TAOK3: variants seen among roughly 807,000 people sequenced by gnomAD.
The protein encoded by TAOK3 is TAO kinase 3.
In TAOK3, 40 loss-of-function variants were observed where a neutral mutation model predicts 120.4. The observed-to-expected ratio is 0.33, with a 90% CI of 0.26 to 0.43. The LOEUF (loss-of-function observed/expected upper bound fraction) is 0.43. Among genes scored for constraint, TAOK3 ranks in the 20% least tolerant of loss-of-function variants. TAOK3 has a pLI of 1.00. For synonymous variants in TAOK3, 355 were observed against 387.5 expected (o/e 0.92, Z 0.99); for missense variants, 821 against 1,112.1 (o/e 0.74, Z 3.72).
intron 11 of TAOK3, among the ~76,000 whole-genome samples, chr12:118,208,424 GAA>G (rs33967442): frequency 4.4e-4 from 66 of 151,332 alleles, no homozygotes; most frequent in African/African-American, 1.5e-3. Context: ...AGAGAAATAG[GAA>G]AAAAAAAATC....
chr12:118,226,100 G>C (rs2039490794), intron 9 of TAOK3, among the ~76,000 whole-genome samples: 1 of 152,226 alleles, frequency 6.6e-6, no homozygotes, highest in Non-Finnish European at 1.5e-5. Context: ...ATTAGGCCGG[G>C]TGCGGTGGCT....
Position 118,189,902 on chromosome 12 carries a change from G to T in TAOK3, c.1234C>A (p.Pro412Thr), listed in dbSNP as rs767310037. The T allele has an allele frequency of 7.4e-6, 12 of 1,614,062 alleles. No homozygotes were observed. The highest frequency in any genetic ancestry group is 4.0e-5 in the African/African-American group (3 of 74,922). Residue 412 changes from proline to threonine, a missense_variant, in exon 14 of 21, where the codon CCC becomes ACC. By Grantham distance (38) the Pro-to-Thr change is conservative. Coordinates refer to ENST00000392533, the MANE Select transcript of TAOK3 (RefSeq NM_016281.4). ...FIRDEAGHGD[P>T]RPEPRPTQSV... is the part of the protein sequence containing the mutation. Reference sequence around the variant, plus strand: ...TGGGTAGGCCGCGGCTCAGGCCTGGGATCGCCGTGGCCCGCCTCATCCCTT... The same window carrying T: ...TGGGTAGGCCGCGGCTCAGGCCTGGTATCGCCGTGGCCCGCCTCATCCCTT...
At chr12:118,350,577 G>A (rs1555260258) in intron 1 of TAOK3, among the ~76,000 whole-genome samples, 1 of 152,090 alleles carries the variant, frequency 6.6e-6, no homozygotes, top group Non-Finnish European at 1.5e-5. Context: ...ACAAATTTGA[G>A]GCCAGGCATG....
Position 118,197,682 on chromosome 12 carries a change from CTTTT to C in TAOK3, c.1194+1365_1194+1368del, listed in dbSNP as rs67635506. Among the ~76,000 whole-genome samples, 4 of 90,780 alleles carry C rather than the reference CTTTT, an allele frequency of 4.4e-5. No homozygotes were observed. In the East Asian group the frequency reaches 1.3e-3, roughly 29 times the overall value. 59.6% of individuals were successfully genotyped at this position (90,780 alleles called of 152,430 possible). On this transcript the variant is annotated intron_variant, in intron 13 of 20. Coordinates refer to ENST00000392533, the MANE Select transcript of TAOK3 (RefSeq NM_016281.4). ...CAAAAAGACAGCCCAGCAAAACCTT[CTTTT>C]TTTTTTTTTTTTTTTTTTTGAGACG...
chr12:118,299,175 A>C (rs912615857), intron 1 of TAOK3, among the ~76,000 whole-genome samples: 3 of 152,240 alleles, frequency 2.0e-5, no homozygotes, highest in Non-Finnish European at 4.4e-5. Flanking sequence ...ATATAATTAT[A>C]CAAAAAAAGT....
chr12:118,244,864 A>G (rs1338098748), intron 4 of TAOK3, 30 bp downstream of exon 4: 1 of 1,520,194 alleles, frequency 6.6e-7, no homozygotes, highest in Admixed American at 1.7e-5. Context: ...TGTTTATTTC[A>G]GTTTAGGTAT....
intron 9 of TAOK3, among the ~76,000 whole-genome samples, chr12:118,217,563 G>A (rs919103369): frequency 1.1e-4 from 17 of 151,524 alleles, no homozygotes; most frequent in African/African-American, 3.6e-4. Context: ...GCATGCGCCT[G>A]TAATCCCAGC....
At chr12:118,172,343 TA>T in intron 17 of TAOK3, 113 bp downstream of exon 17, 1 of 1,159,582 alleles carries the variant, frequency 8.6e-7, no homozygotes, top group Non-Finnish European at 1.3e-6. Context: ...GCCACTGTGC[TA>T]AAAGGCTAGA....
chr12:118,292,367 T>G (rs2042517153), intron 1 of TAOK3, among the ~76,000 whole-genome samples: 1 of 152,352 alleles, frequency 6.6e-6, no homozygotes, highest in South Asian at 2.1e-4. Context: ...GCCTTTATCT[T>G]AGACTATTAC....
chr12:118,182,761 C>A, intron 14 of TAOK3, among the ~76,000 whole-genome samples: 1 of 151,232 alleles, frequency 6.6e-6, no homozygotes, highest in Non-Finnish European at 1.5e-5. Context: ...TCTCCCCCAT[C>A]CCCTTCTCTA....
intron 1 of TAOK3, among the ~76,000 whole-genome samples, chr12:118,274,068 C>T (rs1482531126): frequency 2.0e-5 from 3 of 151,904 alleles, no homozygotes; most frequent in Admixed American, 1.3e-4. Flanking sequence ...TTGGTTTCTT[C>T]CCCCGTTTCC....
intron 1 of TAOK3, among the ~76,000 whole-genome samples, chr12:118,344,573 C>G (rs1167647765): frequency 2.0e-5 from 3 of 152,018 alleles, no homozygotes; most frequent in Non-Finnish European, 2.9e-5. Flanking sequence ...GCAATTGGAA[C>G]TTTTTGATTT....
At chr12:118,362,464 C>T (rs375964831) in intron 1 of TAOK3, among the ~76,000 whole-genome samples, 2 of 151,866 alleles carry the variant, frequency 1.3e-5, no homozygotes, top group South Asian at 2.1e-4. Flanking sequence ...CAAGTTTGCA[C>T]GTAGGAATAT....
At chr12:118,181,096 C>T (rs1035081037) in intron 15 of TAOK3, among the ~76,000 whole-genome samples, 5 of 151,928 alleles carry the variant, frequency 3.3e-5, no homozygotes, top group Admixed American at 1.3e-4. Context: ...CTGCCTGCCT[C>T]GGCCTCCCAA....
At chr12:118,307,535 T>G (rs1235564669) in intron 1 of TAOK3, among the ~76,000 whole-genome samples, 1 of 152,192 alleles carries the variant, frequency 6.6e-6, no homozygotes, top group Non-Finnish European at 1.5e-5. Flanking sequence ...ACTGTTGCAT[T>G]CAGTTATTAG....
At chr12:118,198,917 A>C (rs565887717) in intron 13 of TAOK3, 134 bp downstream of exon 13, 1 of 868,906 alleles carries the variant, frequency 1.2e-6, no homozygotes, top group South Asian at 1.5e-5. Flanking sequence ...CTGTAAGAAA[A>C]CTGTCACATG....
At chr12:118,297,579 A>C (rs2042729927) in intron 1 of TAOK3, among the ~76,000 whole-genome samples, 3 of 152,284 alleles carry the variant, frequency 2.0e-5, no homozygotes, top group African/African-American at 7.2e-5. Context: ...TAGCACCTGA[A>C]ATTATCTGAA....
Position 118,214,054 on chromosome 12 carries a change from C to A in TAOK3, c.700G>T (p.Ala234Ser), listed in dbSNP as rs1487167316. 3 of 1,610,220 alleles carry A rather than the reference C, an allele frequency of 1.9e-6. No individual in the cohort carries two copies. Among genetic ancestry groups the A allele is most frequent in the Non-Finnish European group, 2.5e-6 (3 of 1,178,680 alleles). ...MNAMSALYHI[A>S]QNDSPTLQSN... ...TGTAACGTTGGGGAGTCATTCTGGG[C>A]AATGTGATATAAGGCACTCATTGCA... Residue 234 changes from alanine (A) to serine (S), a missense_variant, in exon 10 of 21, where the codon GCC (alanine) becomes TCC (serine). Ala to Ser is a moderately conservative substitution (Grantham distance 99). Around this residue, in one of 2 missense-constraint regions of TAOK3, gnomAD observed 467 missense variants for 540.0 expected, o/e 0.86. Coordinates refer to ENST00000392533, the MANE Select transcript of TAOK3 (RefSeq NM_016281.4).
chr12:118,317,679 A>G (rs2043527357), intron 1 of TAOK3, among the ~76,000 whole-genome samples: 1 of 152,138 alleles, frequency 6.6e-6, no homozygotes, highest in African/African-American at 2.4e-5. Flanking sequence ...AGGTGACAAT[A>G]TGACTCCAAA....
Sources: gnomAD v4.1 joint callset for allele counts (sites outside exome capture counted in the v4.1 genomes callset) on GRCh38, gnomAD v4.1.1 for gene constraint, gnomAD v4.1.1 regional missense constraint, MANE v1.5 for transcripts, NCBI Gene and HGNC (gene_info 2026-07-23, HGNC 2026-07-21) for gene names.